Variants in STARD13 observed in about 807,000 individuals in gnomAD.
STARD13 encodes StAR related lipid transfer domain containing 13.
In STARD13, 62 loss-of-function variants were observed where a neutral mutation model predicts 106.4. The ratio of observed to expected loss-of-function variants is 0.58; its 90% CI spans 0.48 to 0.72. The LOEUF is 0.72. Among genes scored for constraint, STARD13 ranks in the 30% least tolerant of loss-of-function variants. STARD13 has a pLI of 0.00. For missense variants in STARD13, 1,387 were observed against 1,424.0 expected, an observed-to-expected ratio of 0.97 and a Z score of 0.42; for synonymous variants, 565 against 553.0, an observed-to-expected ratio of 1.02 and a Z score of -0.31.
At position 33,274,575 on chromosome 13, in the gene STARD13, C is replaced by T. The variant is rs557621633; in HGVS notation, c.169+10895G>A. On this transcript the variant is annotated intron_variant, in intron 1 of 13. Transcript: ENST00000336934. Reference sequence around the variant, plus strand: ...ATAATTTTTAAGTTGTTTTCCATGACGAATGTAGCACTAGCCTTTGGGCAA... The same window carrying T: ...ATAATTTTTAAGTTGTTTTCCATGATGAATGTAGCACTAGCCTTTGGGCAA... Among the ~76,000 whole-genome samples, 68 of 152,240 alleles carry T rather than the reference C, an allele frequency of 4.5e-4. 1 individual carries two copies. In the South Asian group the frequency reaches 6.4e-3, roughly 14 times the overall value.
the STARD13 span, among the ~76,000 whole-genome samples, chr13:33,414,897 G>A: frequency 1.3e-5 from 2 of 152,092 alleles, no homozygotes; most frequent in Admixed American, 1.3e-4. Context: ...ATTTCATCAA[G>A]AGCAAACAAC....
chr13:33,614,870 C>T, the STARD13 span, among the ~76,000 whole-genome samples: 2 of 152,192 alleles, frequency 1.3e-5, no homozygotes, highest in East Asian at 1.9e-4. Flanking sequence ...ATAGGATTCT[C>T]GTTAGGCAGG....
the STARD13 span, among the ~76,000 whole-genome samples, chr13:33,438,700 A>G: frequency 1.3e-5 from 2 of 152,312 alleles, no homozygotes; most frequent in South Asian, 4.1e-4. Context: ...AATCTCCCCA[A>G]GAGCTGAAGA....
At chr13:33,283,293 T>TA (rs1243311580) in intron 1 of STARD13, among the ~76,000 whole-genome samples, 1 of 152,178 alleles carries the variant, frequency 6.6e-6, no homozygotes, top group Non-Finnish European at 1.5e-5. Flanking sequence ...GCACTCATTA[T>TA]AAAAACTAAA....
chr13:33,673,710 T>C, the STARD13 span, among the ~76,000 whole-genome samples: 5 of 150,622 alleles, frequency 3.3e-5, no homozygotes, highest in East Asian at 7.8e-4. Flanking sequence ...ACCCAGCTAA[T>C]TTTTGTATTT....
the STARD13 span, among the ~76,000 whole-genome samples, chr13:33,461,938 A>T: frequency 9.8e-4 from 150 of 152,342 alleles, no homozygotes; most frequent in Middle Eastern, 3.4e-3. Context: ...ATTTTGCCAC[A>T]AAATGGAACT....
At chr13:33,509,741 G>A in the STARD13 span, among the ~76,000 whole-genome samples, 1 of 152,168 alleles carries the variant, frequency 6.6e-6, no homozygotes, top group East Asian at 1.9e-4. Flanking sequence ...TGTCAGGAGA[G>A]GCTGTGGCAT....
At chr13:33,499,600 CTTCTTTCTTCTTCTTCTTCTTCTTCTT>C in the STARD13 span, among the ~76,000 whole-genome samples, 2 of 65,826 alleles carry the variant, frequency 3.0e-5, no homozygotes, top group South Asian at 5.9e-4. Flanking sequence ...TCTTCTTCTT[CTTCTTTCTTCTTCTTCTTCTTCTTCTT>C]CTTCTTCTTC....
intron 1 of STARD13, among the ~76,000 whole-genome samples, chr13:33,295,666 C>T (rs1045505254): frequency 1.3e-5 from 2 of 152,002 alleles, no homozygotes; most frequent in South Asian, 2.1e-4. Context: ...TATAGGACTG[C>T]GTTGCTGGTG....
chr13:33,131,860 A>C (rs1007871129), intron 4 of STARD13, among the ~76,000 whole-genome samples: 5 of 152,190 alleles, frequency 3.3e-5, no homozygotes, highest in African/African-American at 1.2e-4. Context: ...GTCTTGCCTC[A>C]TAGGTTTGCT....
At chr13:33,133,543 T>C (rs1566013265) in intron 4 of STARD13, among the ~76,000 whole-genome samples, 1 of 152,206 alleles carries the variant, frequency 6.6e-6, no homozygotes, top group Non-Finnish European at 1.5e-5. Flanking sequence ...GAAATGGTTG[T>C]GTCTGTTTCT....
intron 3 of STARD13, chr13:33,158,664 C>T (rs1882265573): frequency 6.6e-6 from 1 of 152,256 alleles, no homozygotes; most frequent in Admixed American, 6.5e-5. Context: ...TTACTGCTGT[C>T]TTGGCATCCA....
chr13:33,308,809 C>T (rs1322301583), intron 1 of STARD13, among the ~76,000 whole-genome samples: 1 of 152,186 alleles, frequency 6.6e-6, no homozygotes, highest in Non-Finnish European at 1.5e-5. Context: ...CAGGCATGAG[C>T]CACCACGCCC....
the STARD13 span, among the ~76,000 whole-genome samples, chr13:33,386,679 GCC>G: frequency 6.6e-6 from 1 of 152,094 alleles, no homozygotes; most frequent in Non-Finnish European, 1.5e-5. Flanking sequence ...CCAAGGCAGA[GCC>G]TTTTTGCCTT....
the STARD13 span, among the ~76,000 whole-genome samples, chr13:33,665,300 A>G: frequency 6.6e-6 from 1 of 152,214 alleles, no homozygotes; most frequent in Non-Finnish European, 1.5e-5. Context: ...GGCATTTTTC[A>G]TATTCTGAAG....
At chr13:33,461,607 A>T in the STARD13 span, among the ~76,000 whole-genome samples, 2 of 152,146 alleles carry the variant, frequency 1.3e-5, no homozygotes, top group Non-Finnish European at 2.9e-5. Flanking sequence ...TATTATTTAT[A>T]CTTGTTAGTT....
chr13:33,232,668 T>A (rs184020683), intron 1 of STARD13, among the ~76,000 whole-genome samples: 2 of 152,392 alleles, frequency 1.3e-5, no homozygotes, highest in East Asian at 3.9e-4. Context: ...ATAGAAATGA[T>A]ATTTGAATGT....
chr13:33,274,781 G>A (rs116459071), intron 1 of STARD13, among the ~76,000 whole-genome samples: 237 of 152,234 alleles, frequency 1.6e-3, no homozygotes, highest in African/African-American at 5.4e-3. Context: ...TGAAAAGATG[G>A]CTGTTAAACG....
At chr13:33,323,244 G>T (rs1893623585) in intron 1 of STARD13, among the ~76,000 whole-genome samples, 2 of 152,162 alleles carry the variant, frequency 1.3e-5, no homozygotes, top group Non-Finnish European at 2.9e-5. Context: ...GTGCTTGCCT[G>T]ATTCTGAGCC....
Sources: gnomAD v4.1 joint callset for allele counts (sites outside exome capture counted in the v4.1 genomes callset) on GRCh38, gnomAD v4.1.1 for gene constraint, MANE v1.5 for transcripts, NCBI Gene and HGNC (gene_info 2026-07-23, HGNC 2026-07-21) for gene names.